The following ZSCAN22 variants were observed in gnomAD, a reference collection of about 807,000 sequenced individuals.
ZSCAN22 encodes zinc finger and SCAN domain containing 22, also known as zinc finger and SCAN domain-containing protein 22.
Under a neutral mutation model 12.4 loss-of-function variants are expected in ZSCAN22, and 7 were observed. The ratio of observed to expected loss-of-function variants is 0.57; its 90% CI spans 0.32 to 1.06. ZSCAN22 has a LOEUF of 1.06. ZSCAN22 is among the 50% of genes least tolerant of loss of function. The pLI, the probability that ZSCAN22 is intolerant of heterozygous loss-of-function variation, is 0.04. For synonymous variants in ZSCAN22, 243 were observed against 255.9 expected (o/e 0.95, Z 0.48); for missense variants, 576 against 631.7 (o/e 0.91, Z 0.94).
At chr19:58,334,563 A>G in intron 1 of ZSCAN22, 189 bp from the exon 2 acceptor site, 1 of 459,504 alleles carries the variant, frequency 2.2e-6, no homozygotes, top group East Asian at 3.4e-5. Context: ...AAATGAGTCT[A>G]CATGCAAGCA....
chr19:58,336,197 T>C (rs1004591607), intron 2 of ZSCAN22, among the ~76,000 whole-genome samples: 1 of 152,130 alleles, frequency 6.6e-6, no homozygotes, highest in Non-Finnish European at 1.5e-5. Context: ...CCCACCTTAG[T>C]GGTGTTGCGA....
Position 58,334,806 on chromosome 19 carries a change from G to T in ZSCAN22, c.4G>T (p.Ala2Ser). The change falls in exon 2 of 3, where the codon GCC becomes TCC. Residue 2 changes from alanine (A) to serine (S), a missense_variant. Transcript: ENST00000329665. M[A>S]IPKHSLSPVP... ...TCTCACTGAGCACTGCTGCCCGATG[G>T]CCATCCCCAAGCACTCCCTGAGCCC... The T allele has an allele frequency of 1.3e-6, 2 of 1,597,132 alleles. No individual in the cohort carries two copies. Among genetic ancestry groups the T allele is most frequent in the Non-Finnish European group, 1.7e-6 (2 of 1,168,870 alleles).
At position 58,334,928 on chromosome 19, in the gene ZSCAN22, T is replaced by C. The variant is rs2051774740; in HGVS notation, c.126T>C (p.Ile42=). 1 of 1,614,152 alleles carries C rather than the reference T, an allele frequency of 6.2e-7. No individual in the cohort carries two copies. Among genetic ancestry groups the C allele is most frequent in the African/African-American group, 1.3e-5 (1 of 75,064 alleles). The stretch of plus-strand genomic sequence containing the variant: ...GCGGAGAATCCAGCCATGACCACAT[T>C]GCTCACTCTGAGGCTGCACGCCTGC... ...SQGGESSHDH[I]AHSEAARLRF... is the part of the protein sequence containing the mutation. Residue 42 remains isoleucine, a synonymous_variant, in exon 2 of 3, where the codon ATT becomes ATC. Coordinates refer to ENST00000329665, the MANE Select transcript of ZSCAN22 (RefSeq NM_181846.3).
Position 58,339,646 on chromosome 19 carries a change from T to C in ZSCAN22, c.*320T>C. 3.6e-6 allele frequency: 1 copy of C among 280,586 alleles called. No homozygotes were observed. Among genetic ancestry groups the C allele is most frequent in the Non-Finnish European group, 6.7e-6 (1 of 149,294 alleles). 17.4% of individuals were successfully genotyped at this position (280,586 alleles called of 1,614,324 possible). ...GACTGGTTCTGAGGGCCAGGGCAAA[T>C]GAAGGCGCATGTCTCTCAGAACTCA... On this transcript the variant is annotated 3_prime_UTR_variant, in exon 3 of 3. Transcript: ENST00000329665. This position sits in a 1 kb window ranked among gnomAD's most constrained non-coding sequence, Gnocchi z 5.6.
chr19:58,336,585 C>T (rs2051800302), intron 2 of ZSCAN22, among the ~76,000 whole-genome samples: 1 of 152,080 alleles, frequency 6.6e-6, no homozygotes, highest in Non-Finnish European at 1.5e-5. Context: ...GCCTGTGGAC[C>T]TGGAGGAGAA....
Position 58,338,419 on chromosome 19 carries a change from CAG to C in ZSCAN22, c.570_571del (p.Glu192AspfsTer30), listed in dbSNP as rs777974559. ...GGCAGCTCAGAGAGGTCTGGACTAT[CAG>C]GGGAGATCTGGACAAAGTCTGTCAC... is the stretch of plus-strand genomic sequence containing the variant. On this transcript the variant is annotated frameshift_variant, in exon 3 of 3. Transcript: ENST00000329665. LOFTEE classifies it low-confidence loss of function (END_TRUNC). This position sits in a 1 kb window ranked among gnomAD's most constrained non-coding sequence, Gnocchi z 5.4. The C allele has an allele frequency of 1.7e-5, 27 of 1,614,048 alleles. No individual in the cohort carries two copies. Among genetic ancestry groups the C allele is most frequent in the African/African-American group, 9.3e-5 (7 of 74,922 alleles).
At chr19:58,334,393 T>C (rs2051764714) in intron 1 of ZSCAN22, among the ~76,000 whole-genome samples, 1 of 152,162 alleles carries the variant, frequency 6.6e-6, no homozygotes, top group South Asian at 2.1e-4. Flanking sequence ...CTCGGCTCAC[T>C]GCAAGCTCCG....
At chr19:58,334,687 C>T in intron 1 of ZSCAN22, 65 bp from the exon 2 acceptor site, 1 of 1,227,362 alleles carries the variant, frequency 8.1e-7, no homozygotes, top group Non-Finnish European at 1.1e-6. Flanking sequence ...TGTGTTTTCC[C>T]TGCTCTGTAG....
intron 1 of ZSCAN22, among the ~76,000 whole-genome samples, chr19:58,330,222 A>C (rs974101099): frequency 6.6e-6 from 1 of 152,172 alleles, no homozygotes; most frequent in Non-Finnish European, 1.5e-5. Flanking sequence ...CCCAGGAGGC[A>C]GAGCTTGCAG....
In ZSCAN22 at chr19:58,338,651, C is replaced by T; in HGVS notation, c.801C>T (p.Ser267=). The change falls in exon 3 of 3, where the codon TCC becomes TCT. Residue 267 remains serine (S), a synonymous_variant. Transcript: ENST00000329665. The surrounding 1 kb of genome is among the most constrained non-coding windows in gnomAD (Gnocchi z 5.4). The part of the protein sequence containing the change: ...EPPYTYSGKR[S]SKCRECRKMF... ...CATACACCTACTCAGGGAAGAGGTC[C>T]TCCAAGTGTCGCGAGTGTAGGAAGA... is the stretch of plus-strand genomic sequence containing the variant. 6.2e-7 allele frequency: 1 copy of T among 1,614,220 alleles called. No individual in the cohort carries two copies. Among genetic ancestry groups the T allele is most frequent in the East Asian group, 2.2e-5 (1 of 44,884 alleles).
At chr19:58,327,832 T>C (rs962718602) in intron 1 of ZSCAN22, among the ~76,000 whole-genome samples, 1 of 152,144 alleles carries the variant, frequency 6.6e-6, no homozygotes, top group Non-Finnish European at 1.5e-5. Context: ...AATAATACTG[T>C]GTGATGGAAA....
chr19:58,339,182 C>T lies in ZSCAN22; in HGVS notation c.1332C>T (p.Ala444=), dbSNP rs375285420. ...KPYQCKVCPK[A]FAQSSSLIEH... is the part of the protein sequence containing the mutation. Reference sequence around the variant, plus strand: ...ATCAGTGTAAGGTTTGTCCGAAGGCCTTTGCACAGAGCTCCTCCCTCATTG... The same window carrying T: ...ATCAGTGTAAGGTTTGTCCGAAGGCTTTTGCACAGAGCTCCTCCCTCATTG... Residue 444 remains alanine (A), a synonymous_variant, in exon 3 of 3, where the codon GCC becomes GCT. Coordinates refer to ENST00000329665, the MANE Select transcript of ZSCAN22 (RefSeq NM_181846.3). This position sits in a 1 kb window ranked among gnomAD's most constrained non-coding sequence, Gnocchi z 5.6. 75 of 1,614,040 alleles carry T rather than the reference C, an allele frequency of 4.6e-5. No individual in the cohort carries two copies. The highest frequency in any genetic ancestry group is 6.0e-5 in the Non-Finnish European group (71 of 1,180,052).
chr19:58,338,237 G>T lies in ZSCAN22; in HGVS notation c.404-17G>T. On this transcript the variant is annotated splice_polypyrimidine_tract_variant and intron_variant, in intron 2 of 2. Coordinates refer to ENST00000329665, the MANE Select transcript of ZSCAN22 (RefSeq NM_181846.3). The surrounding 1 kb of genome is among the most constrained non-coding windows in gnomAD (Gnocchi z 5.4). ...GGTGTGGTAGGAGGAGTGACAGTGT[G>T]GTTCGGACTGTTTCAGGATGGGATC... The T allele has an allele frequency of 6.3e-7, 1 of 1,584,642 alleles. No homozygotes were observed. The highest frequency in any genetic ancestry group is 1.7e-5 in the Admixed American group (1 of 58,534).
chr19:58,339,087 T>A lies in ZSCAN22; in HGVS notation c.1237T>A (p.Cys413Ser). Residue 413 changes from cysteine to serine, a missense_variant, in exon 3 of 3, where the codon TGT becomes AGT. Coordinates refer to ENST00000329665, the MANE Select transcript of ZSCAN22 (RefSeq NM_181846.3). The surrounding 1 kb of genome is among the most constrained non-coding windows in gnomAD (Gnocchi z 5.6). ...TGEKPYKCDA[C>S]GRAFSDCSAL... ...GGAGAAGCCCTACAAGTGTGACGCG[T>A]GTGGCCGAGCCTTCAGCGACTGCTC... 1 of 1,614,248 alleles carries A rather than the reference T, an allele frequency of 6.2e-7. No individual in the cohort carries two copies. Among genetic ancestry groups the A allele is most frequent in the Non-Finnish European group, 8.5e-7 (1 of 1,180,048 alleles).
chr19:58,334,752 G>T lies in ZSCAN22; in HGVS notation c.-51G>T. The T allele has an allele frequency of 6.6e-7, 1 of 1,514,178 alleles. No individual in the cohort carries two copies. The allele number at this position is 1,514,178 out of a possible 1,614,324, so 93.8% of individuals were successfully genotyped here. On this transcript the variant is annotated splice_region_variant and 5_prime_UTR_variant, in exon 2 of 3. Coordinates refer to ENST00000329665, the MANE Select transcript of ZSCAN22 (RefSeq NM_181846.3). Reference sequence around the variant, plus strand: ...TGCTGAAGCTCTGACATTCCTGCAGGCCCAGTTCCAAGGCTCCGGCATCCT... The same window carrying T: ...TGCTGAAGCTCTGACATTCCTGCAGTCCCAGTTCCAAGGCTCCGGCATCCT...
At chr19:58,330,622 G>A (rs1311578461) in intron 1 of ZSCAN22, among the ~76,000 whole-genome samples, 1 of 152,192 alleles carries the variant, frequency 6.6e-6, no homozygotes, top group Non-Finnish European at 1.5e-5. Context: ...CTGACCAGAT[G>A]ACTCTAGCAG....
At chr19:58,333,912 A>G (rs2051756747) in intron 1 of ZSCAN22, among the ~76,000 whole-genome samples, 2 of 152,264 alleles carry the variant, frequency 1.3e-5, no homozygotes, top group Admixed American at 1.3e-4. Flanking sequence ...ATTAGAAAAT[A>G]TTTTTAACTA....
chr19:58,337,003 T>C (rs1711982334), intron 2 of ZSCAN22, among the ~76,000 whole-genome samples: 1 of 152,224 alleles, frequency 6.6e-6, no homozygotes, highest in Non-Finnish European at 1.5e-5. Flanking sequence ...CCAGTAGATG[T>C]GCCAGATTAT....
rs1427773481 is a variant in ZSCAN22 at position 58,338,641 on chromosome 19, G to A, written c.791G>A (p.Gly264Glu). 3.1e-6 allele frequency: 5 copies of A among 1,614,236 alleles called. No individual in the cohort carries two copies. The highest frequency in any genetic ancestry group is 1.6e-4 in the Middle Eastern group (1 of 6,062). ...YGTEPPYTYS[G>E]KRSSKCRECR... The stretch of plus-strand genomic sequence containing the variant: ...ACAGAGCCTCCATACACCTACTCAG[G>A]GAAGAGGTCCTCCAAGTGTCGCGAG... Residue 264 changes from glycine (G) to glutamate (E), a missense_variant, in exon 3 of 3, where the codon GGG becomes GAG. Transcript: ENST00000329665. This position sits in a 1 kb window ranked among gnomAD's most constrained non-coding sequence, Gnocchi z 5.4.
Sources: gnomAD v4.1 joint callset for allele counts (sites outside exome capture counted in the v4.1 genomes callset) on GRCh38, gnomAD v4.1.1 for gene constraint, Gnocchi (gnomAD v3.1) non-coding constraint, MANE v1.5 for transcripts, NCBI Gene and HGNC (gene_info 2026-07-23, HGNC 2026-07-21) for gene names.